DYNC2H1: variants seen among roughly 807,000 people sequenced by gnomAD.
DYNC2H1 encodes the protein cytoplasmic dynein 2 heavy chain 1.
Under a neutral mutation model 570.0 loss-of-function variants are expected in DYNC2H1, and 410 were observed. The observed-to-expected ratio is 0.72, with a 90% CI of 0.66 to 0.78. The LOEUF (loss-of-function observed/expected upper bound fraction) is 0.78, where lower values mean the gene tolerates loss of function less well. Ranked by LOEUF, DYNC2H1 falls within the 30% of genes least tolerant of loss-of-function variation. The pLI is 0.00. For synonymous variants in DYNC2H1, 1,688 were observed against 1,677.6 expected (o/e 1.01, Z -0.15); for missense variants, 4,865 against 5,046.4 (o/e 0.96, Z 1.09).
chr11:103,221,584 C>T (rs762474407), intron 57 of DYNC2H1, among the ~76,000 whole-genome samples: 20 of 152,064 alleles, frequency 1.3e-4, no homozygotes, highest in Non-Finnish European at 2.1e-4. Flanking sequence ...TACGAAAAGT[C>T]GATAATACAG....
chr11:103,427,428 T>G (rs1255509194), intron 84 of DYNC2H1, among the ~76,000 whole-genome samples: 1 of 152,158 alleles, frequency 6.6e-6, no homozygotes, highest in Admixed American at 6.6e-5. Flanking sequence ...GAGCTAAGCT[T>G]CACTATAAGT....
At chr11:103,306,811 A>T (rs1867304508) in intron 77 of DYNC2H1, among the ~76,000 whole-genome samples, 1 of 152,166 alleles carries the variant, frequency 6.6e-6, no homozygotes, top group African/African-American at 2.4e-5. Context: ...TATTAAATTT[A>T]CAAATACTTG....
chr11:103,161,331 A>G (rs575874334), intron 29 of DYNC2H1, among the ~76,000 whole-genome samples: 3 of 152,264 alleles, frequency 2.0e-5, no homozygotes, highest in African/African-American at 4.8e-5. Context: ...CTTAATAGCT[A>G]TGTGACTTAC....
chr11:103,438,386 T>C (rs796562502), intron 85 of DYNC2H1, among the ~76,000 whole-genome samples: 1 of 152,112 alleles, frequency 6.6e-6, no homozygotes, highest in African/African-American at 2.4e-5. Context: ...GCAATGTAAC[T>C]ACCTATTTGG....
intron 70 of DYNC2H1, among the ~76,000 whole-genome samples, chr11:103,274,373 C>G (rs1275456005): frequency 6.6e-6 from 1 of 151,720 alleles, no homozygotes; most frequent in African/African-American, 2.4e-5. Context: ...AAACAAACAT[C>G]AAAACAAATG....
intron 29 of DYNC2H1, among the ~76,000 whole-genome samples, chr11:103,161,680 A>C (rs2408539): frequency 0.096 from 14,591 of 152,244 alleles, 823 homozygotes; most frequent in Non-Finnish European, 0.12. Context: ...TGCTTGGAAC[A>C]TGGTACTCAA....
At chr11:103,248,225 T>G (rs1352588133) in intron 65 of DYNC2H1, among the ~76,000 whole-genome samples, 1 of 151,990 alleles carries the variant, frequency 6.6e-6, no homozygotes, top group Non-Finnish European at 1.5e-5. Flanking sequence ...TAAGTCCCAT[T>G]CATCTTGAGT....
chr11:103,469,266 T>G (rs1352122328), intron 88 of DYNC2H1, among the ~76,000 whole-genome samples: 1 of 152,246 alleles, frequency 6.6e-6, no homozygotes, highest in Non-Finnish European at 1.5e-5. Flanking sequence ...AGTTAACTTT[T>G]TTCCTTTCAA....
intron 37 of DYNC2H1, among the ~76,000 whole-genome samples, chr11:103,176,750 G>C (rs1861834536): frequency 6.6e-6 from 1 of 152,100 alleles, no homozygotes; most frequent in Non-Finnish European, 1.5e-5. Context: ...TTGTCGCCCA[G>C]GCTGGAGTGC....
rs1441518419 is a variant in DYNC2H1, at chr11:103,239,844, A to G, written c.9819+3305A>G. On this transcript the variant is annotated intron_variant, in intron 63 of 88. Coordinates refer to ENST00000375735, the MANE Select transcript of DYNC2H1 (RefSeq NM_001377.3). The surrounding 1 kb of genome is among the most constrained non-coding windows in gnomAD (Gnocchi z 4.3). ...AGGTGTTTTAAAAATTATCTCTTTC[A>G]AAAATATCCTTTGACCAATCTTTTT... Among the ~76,000 whole-genome samples the G allele has an allele frequency of 1.3e-5, 2 of 152,156 alleles. No homozygotes were observed. The highest frequency in any genetic ancestry group is 4.8e-5 in the African/African-American group (2 of 41,436).
chr11:103,112,939 C>G (rs1200428267), intron 1 of DYNC2H1, among the ~76,000 whole-genome samples: 3 of 152,158 alleles, frequency 2.0e-5, no homozygotes, highest in Non-Finnish European at 4.4e-5. Flanking sequence ...TTAAAATAAT[C>G]TAGCTATATG....
intron 85 of DYNC2H1, among the ~76,000 whole-genome samples, chr11:103,451,475 GGCGCGTGCCACCAC>G (rs1944601955): frequency 6.6e-6 from 1 of 151,946 alleles, no homozygotes; most frequent in African/African-American, 2.4e-5. Flanking sequence ...TGGGGCTACA[GGCGCGTGCCACCAC>G]GCCTGGCTAA....
In DYNC2H1 at chr11:103,189,898, G is replaced by A; in HGVS notation, c.7437+82G>A. 1 of 1,383,638 alleles carries A rather than the reference G, an allele frequency of 7.2e-7. No homozygotes were observed. Among genetic ancestry groups the A allele is most frequent in the South Asian group, 1.5e-5 (1 of 65,980 alleles). 85.7% of individuals were successfully genotyped at this position (1,383,638 alleles called of 1,614,324 possible). On this transcript the variant is annotated intron_variant, in intron 45 of 88. Coordinates refer to ENST00000375735, the MANE Select transcript of DYNC2H1 (RefSeq NM_001377.3). The surrounding 1 kb of genome is among the most constrained non-coding windows in gnomAD (Gnocchi z 4.3). ...TACTTTTAATTCTGACCTCTGTGTT[G>A]ACACCCAGGCTTTACTTTCCTGTTT... is the stretch of plus-strand genomic sequence containing the variant.
At chr11:103,285,568 G>C (rs622569) in intron 73 of DYNC2H1, among the ~76,000 whole-genome samples, 25,063 of 151,062 alleles carry the variant, frequency 0.17, 2,222 homozygotes, top group Admixed American at 0.25. Context: ...GATCACAGGC[G>C]CCCACCACCA....
At chr11:103,159,116 A>T in intron 28 of DYNC2H1, 89 bp downstream of exon 28, 7 of 979,580 alleles carry the variant, frequency 7.1e-6, no homozygotes, top group South Asian at 1.5e-5. Flanking sequence ...ACTACTGAAT[A>T]CAGCAGTCAG....
At chr11:103,143,136 T>G (rs1860046571) in intron 17 of DYNC2H1, 132 bp from the exon 18 acceptor site, 1 of 816,916 alleles carries the variant, frequency 1.2e-6, no homozygotes, top group African/African-American at 1.7e-5. Context: ...AATGATTATA[T>G]TACTTAAATT....
At position 103,135,599 on chromosome 11, in the gene DYNC2H1, G is replaced by T; in HGVS notation, c.2310G>T (p.Glu770Asp). Residue 770 changes from glutamate (E) to aspartate (D), a missense_variant, in exon 16 of 89, where the codon GAG (glutamate) becomes GAT (aspartate). Around this residue, in one of 5 missense-constraint regions of DYNC2H1, gnomAD observed 1,936 missense variants for 1,962.1 expected, o/e 0.99. Coordinates refer to ENST00000375735, the MANE Select transcript of DYNC2H1 (RefSeq NM_001377.3). ...QYQMGLEALN[E>D]NLPEINIDLT... ...AGATGGGCTTAGAAGCACTTAATGA[G>T]AATTTGCCAGAAATAAATATAGACT... is the stretch of plus-strand genomic sequence containing the variant. 6.2e-7 allele frequency: 1 copy of T among 1,613,258 alleles called. No homozygotes were observed. Among genetic ancestry groups the T allele is most frequent in the Non-Finnish European group, 8.5e-7 (1 of 1,179,576 alleles).
intron 83 of DYNC2H1, among the ~76,000 whole-genome samples, chr11:103,387,379 T>C (rs1167206697): frequency 2.0e-5 from 3 of 152,258 alleles, no homozygotes; most frequent in Non-Finnish European, 4.4e-5. Context: ...TTGTTTGAGT[T>C]CATTGTAGAT....
intron 84 of DYNC2H1, among the ~76,000 whole-genome samples, chr11:103,423,927 C>T (rs1381809896): frequency 6.6e-6 from 1 of 151,776 alleles, no homozygotes; most frequent in Non-Finnish European, 1.5e-5. Flanking sequence ...CTCACAGTAC[C>T]CAAAATGAAA....
Sources: allele counts gnomAD v4.1 joint callset (sites outside exome capture counted in the v4.1 genomes callset), GRCh38; gene constraint gnomAD v4.1.1; regional missense constraint gnomAD v4.1.1; non-coding constraint Gnocchi (gnomAD v3.1); transcripts MANE v1.5; gene names NCBI Gene and HGNC (gene_info 2026-07-23, HGNC 2026-07-21).